Variants in TCF20 observed in about 807,000 individuals in gnomAD.
TCF20 encodes SPRE-binding protein.
A neutral mutation model predicts 148.6 loss-of-function variants in TCF20; 3 were observed. That is an observed-to-expected ratio of 0.02 (90% confidence interval 0.01 to 0.05). The LOEUF is 0.05. Ranked by LOEUF, TCF20 falls within the 10% of genes least tolerant of loss-of-function variation. The pLI, the probability that TCF20 is intolerant of heterozygous loss-of-function variation, is 1.00. For synonymous variants in TCF20, 1,049 were observed against 909.5 expected (o/e 1.15, Z -2.76); for missense variants, 2,350 against 2,429.3 (o/e 0.97, Z 0.69).
intron 2 of TCF20, among the ~76,000 whole-genome samples, chr22:42,181,347 C>A (rs541445000): frequency 6.6e-6 from 1 of 152,020 alleles, no homozygotes; most frequent in Non-Finnish European, 1.5e-5. Flanking sequence ...CCACGCCAGG[C>A]TAATTTTTGT....
At chr22:42,207,910 C>T (rs1938500046) in intron 2 of TCF20, among the ~76,000 whole-genome samples, 1 of 151,550 alleles carries the variant, frequency 6.6e-6, no homozygotes, top group Non-Finnish European at 1.5e-5. Context: ...TAGTACAGGC[C>T]AAGTGTAGTG....
intron 1 of TCF20, among the ~76,000 whole-genome samples, chr22:42,254,436 G>T (rs991662195): frequency 6.6e-6 from 1 of 152,220 alleles, no homozygotes; most frequent in Non-Finnish European, 1.5e-5. Context: ...CAGGTTAAGG[G>T]CACAGAGTCC....
chr22:42,287,870 A>G (rs534435838), upstream of TCF20, among the ~76,000 whole-genome samples: 2 of 152,318 alleles, frequency 1.3e-5, no homozygotes, highest in South Asian at 2.1e-4. Flanking sequence ...CTAGCCAAAA[A>G]AAAAGAAAAG....
chr22:42,323,479 A>C (rs1353175907), intron 1 of TCF20, among the ~76,000 whole-genome samples: 2 of 151,752 alleles, frequency 1.3e-5, no homozygotes, highest in African/African-American at 4.8e-5. Context: ...GGACGGTGGA[A>C]GAGATGGGAG....
Position 42,214,283 on chromosome 22 carries a change from T to G in TCF20, c.1023A>C (p.Gln341His). ...YTNAATKLPL[Q>H]SQVGQYNQPE... ...GCTGGTTGTACTGCCCCACTTGGCT[T>G]TGCAGGGGCAGCTTGGTGGCAGCGT... The change falls in exon 2 of 6, where the codon CAA becomes CAC. Residue 341 changes from glutamine to histidine, a missense_variant. By Grantham distance (24) the Gln-to-His change is conservative (BLOSUM62 0). Transcript: ENST00000677622. The G allele has an allele frequency of 6.2e-7, 1 of 1,614,166 alleles. No individual in the cohort carries two copies. Among genetic ancestry groups the G allele is most frequent in the African/African-American group, 1.3e-5 (1 of 75,052 alleles).
chr22:42,243,310 A>AAAAAAAAAAAAAAC (rs1569180401), intron 1 of TCF20, among the ~76,000 whole-genome samples: 2 of 140,864 alleles, frequency 1.4e-5, no homozygotes, highest in African/African-American at 6.1e-5. Flanking sequence ...AAAAAAAAAA[A>AAAAAAAAAAAAAAC]AAAAAAAAAA....
chr22:42,232,663 TA>T (rs566082340), intron 1 of TCF20, among the ~76,000 whole-genome samples: 1 of 151,298 alleles, frequency 6.6e-6, no homozygotes, highest in Admixed American at 6.6e-5. Flanking sequence ...CCATCTCTAC[TA>T]AAAAAAATAC....
At chr22:42,257,331 C>T (rs1255715523) in intron 1 of TCF20, among the ~76,000 whole-genome samples, 1 of 152,172 alleles carries the variant, frequency 6.6e-6, no homozygotes, top group Non-Finnish European at 1.5e-5. Context: ...ATTTTAGTTA[C>T]TCTTAGAAGA....
chr22:42,206,992 T>C (rs981778864), intron 2 of TCF20, among the ~76,000 whole-genome samples: 1 of 152,162 alleles, frequency 6.6e-6, no homozygotes, highest in African/African-American at 2.4e-5. Flanking sequence ...ACAGTGATTC[T>C]GTGCACTGCA....
chr22:42,323,905 G>GTTA (rs2147051896), intron 1 of TCF20, among the ~76,000 whole-genome samples: 1 of 130,826 alleles, frequency 7.6e-6, no homozygotes, highest in Non-Finnish European at 1.7e-5. Flanking sequence ...GGTGGTGGAG[G>GTTA]TGGTGGTGGT....
intron 1 of TCF20, among the ~76,000 whole-genome samples, chr22:42,324,882 C>T (rs1254493819): frequency 6.6e-6 from 1 of 152,234 alleles, no homozygotes; most frequent in African/African-American, 2.4e-5. Flanking sequence ...TGAGGGAATA[C>T]AAGGCACATG....
At chr22:42,255,496 AC>A (rs1925687533) in intron 1 of TCF20, among the ~76,000 whole-genome samples, 7 of 121,418 alleles carry the variant, frequency 5.8e-5, no homozygotes, top group East Asian at 4.0e-4. Context: ...TCAAACAACA[AC>A]AACAACAACA....
At chr22:42,288,715 CAAAAAAAAAAA>C (rs60058670), upstream of TCF20, among the ~76,000 whole-genome samples, 55,686 of 86,202 alleles carry the variant, frequency 0.65, 15,515 homozygotes, top group East Asian at 0.7. Flanking sequence ...GACCCTGTAT[CAAAAAAAAAAA>C]AAAAAAAAAA....
intron 1 of TCF20, among the ~76,000 whole-genome samples, chr22:42,241,362 G>C (rs1267320273): frequency 6.6e-6 from 1 of 152,172 alleles, no homozygotes; most frequent in Non-Finnish European, 1.5e-5. Flanking sequence ...GAGATATCAG[G>C]AGACTATAAA....
chr22:42,184,275 C>T (rs375945618), intron 2 of TCF20, among the ~76,000 whole-genome samples: 1 of 152,154 alleles, frequency 6.6e-6, no homozygotes, highest in Non-Finnish European at 1.5e-5. Context: ...TAGAACTTTA[C>T]CTCTTTTTCT....
rs371929309 is a variant in TCF20 at position 42,260,264 on chromosome 22, A to G, written c.-37+10075T>C. Among the ~76,000 whole-genome samples, 565 of 152,304 alleles carry G rather than the reference A, an allele frequency of 3.7e-3. 2 individuals are homozygous for G. The highest frequency in any genetic ancestry group is 0.013 in the African/African-American group (543 of 41,572). ...ACAAACCTGTAGCTTAGAGAGCAAG[A>G]AGGAGACCAGGTCAAATGGTTTCAG... On this transcript the variant is annotated intron_variant, in intron 1 of 5. Transcript: ENST00000677622.
At chr22:42,291,654 TGA>T (rs1927135334) in intron 1 of TCF20, among the ~76,000 whole-genome samples, 2 of 151,908 alleles carry the variant, frequency 1.3e-5, no homozygotes, top group African/African-American at 4.8e-5. Flanking sequence ...AGGGTGTGGC[TGA>T]GAGGGGAACA....
chr22:42,275,511 G>A (rs1926758778), upstream of TCF20, among the ~76,000 whole-genome samples: 1 of 152,204 alleles, frequency 6.6e-6, no homozygotes, highest in Non-Finnish European at 1.5e-5. Flanking sequence ...GCGCCAGCCT[G>A]GTCTCACCAG....
chr22:42,182,688 G>C (rs1223492565), intron 2 of TCF20, among the ~76,000 whole-genome samples: 1 of 152,192 alleles, frequency 6.6e-6, no homozygotes, highest in Non-Finnish European at 1.5e-5. Context: ...GTGGTCCCCT[G>C]GAACAGCAGC....
Sources: allele counts gnomAD v4.1 joint callset (sites outside exome capture counted in the v4.1 genomes callset), GRCh38; gene constraint gnomAD v4.1.1; transcripts MANE v1.5; gene names NCBI Gene and HGNC (gene_info 2026-07-23, HGNC 2026-07-21).